The following PPARGC1A variants were observed in gnomAD, a reference collection of about 807,000 sequenced individuals.
The protein encoded by PPARGC1A is peroxisome proliferator-activated receptor gamma coactivator 1-alpha.
A neutral mutation model predicts 88.7 loss-of-function variants in PPARGC1A; 25 were observed. The ratio of observed to expected loss-of-function variants is 0.28; its 90% CI spans 0.21 to 0.39. The LOEUF (loss-of-function observed/expected upper bound fraction) is 0.39, where lower values mean the gene tolerates loss of function less well. Among genes scored for constraint, PPARGC1A ranks in the 10% least tolerant of loss-of-function variants. The pLI, the probability that PPARGC1A is intolerant of heterozygous loss-of-function variation, is 1.00. For synonymous variants in PPARGC1A, 363 were observed against 355.6 expected (o/e 1.02, Z -0.24); for missense variants, 880 against 968.7 (o/e 0.91, Z 1.22).
intron 10 of PPARGC1A, among the ~76,000 whole-genome samples, chr4:23,803,781 A>T (rs992072688): frequency 1.1e-4 from 17 of 152,234 alleles, no homozygotes; most frequent in African/African-American, 4.1e-4. Context: ...CAGAGAACTG[A>T]GGTACAGACT....
At chr4:24,032,361 C>G in the PPARGC1A span, among the ~76,000 whole-genome samples, 1 of 152,148 alleles carries the variant, frequency 6.6e-6, no homozygotes, top group Non-Finnish European at 1.5e-5. Context: ...CACAGGGGCT[C>G]CTGGTGGCTT....
At chr4:23,797,859 T>C (rs890884239) in intron 12 of PPARGC1A, among the ~76,000 whole-genome samples, 1 of 152,206 alleles carries the variant, frequency 6.6e-6, no homozygotes, top group African/African-American at 2.4e-5. Context: ...GTCAGGCCTC[T>C]GAGCCCAAGC....
chr4:24,123,369 T>C, the PPARGC1A span, among the ~76,000 whole-genome samples: 1 of 152,170 alleles, frequency 6.6e-6, no homozygotes, highest in African/African-American at 2.4e-5. Flanking sequence ...TCACAGCTAA[T>C]GCTCCCTCTC....
intron 2 of PPARGC1A, among the ~76,000 whole-genome samples, chr4:23,865,388 CCTCAT>C (rs993182045): frequency 6.6e-6 from 1 of 152,134 alleles, no homozygotes; most frequent in Non-Finnish European, 1.5e-5. Flanking sequence ...GTCCTAAGTT[CCTCAT>C]CTGTGGGAAG....
chr4:24,027,787 T>C, the PPARGC1A span, among the ~76,000 whole-genome samples: 5 of 152,172 alleles, frequency 3.3e-5, no homozygotes, highest in African/African-American at 1.2e-4. Context: ...TTAAGGTGCA[T>C]TGTTTTTGGT....
the PPARGC1A span, among the ~76,000 whole-genome samples, chr4:24,168,432 C>A: frequency 6.6e-6 from 1 of 152,154 alleles, no homozygotes; most frequent in Non-Finnish European, 1.5e-5. Context: ...CTCCTTGAGG[C>A]CTAAAAGTAA....
At chr4:23,941,588 T>C in the PPARGC1A span, among the ~76,000 whole-genome samples, 4 of 152,230 alleles carry the variant, frequency 2.6e-5, no homozygotes, top group Admixed American at 6.5e-5. Context: ...ATACACTCAT[T>C]TGGGAAAAGA....
the PPARGC1A span, among the ~76,000 whole-genome samples, chr4:24,177,775 C>T: frequency 1.5e-3 from 224 of 151,256 alleles, 1 homozygote; most frequent in African/African-American, 5.3e-3. Context: ...TGATAAGATA[C>T]AACTGCTCTG....
At chr4:24,046,722 T>A in the PPARGC1A span, among the ~76,000 whole-genome samples, 2 of 152,202 alleles carry the variant, frequency 1.3e-5, no homozygotes, top group African/African-American at 4.8e-5. Flanking sequence ...CAGTTAAGTA[T>A]GACCATGTGA....
At chr4:24,092,846 G>A in the PPARGC1A span, among the ~76,000 whole-genome samples, 83 of 152,160 alleles carry the variant, frequency 5.5e-4, 3 homozygotes, top group Non-Finnish European at 1.2e-4. Flanking sequence ...ATGGTTTCAG[G>A]TCACTTCTCC....
At chr4:24,340,990 G>A in the PPARGC1A span, among the ~76,000 whole-genome samples, 1 of 152,114 alleles carries the variant, frequency 6.6e-6, no homozygotes, top group East Asian at 1.9e-4. Flanking sequence ...CAAGGAAGCA[G>A]ATTTTCATTT....
chr4:23,861,176 T>G (rs2148712365), intron 2 of PPARGC1A, among the ~76,000 whole-genome samples: 1 of 152,320 alleles, frequency 6.6e-6, no homozygotes, highest in South Asian at 2.1e-4. Context: ...AAAACACTGT[T>G]TTGTAAACAT....
At chr4:23,960,778 C>T in the PPARGC1A span, among the ~76,000 whole-genome samples, 2 of 152,096 alleles carry the variant, frequency 1.3e-5, no homozygotes, top group African/African-American at 2.4e-5. Flanking sequence ...CCTGAGGCCT[C>T]GGGCTCCCCT....
chr4:24,056,212 C>T, the PPARGC1A span, among the ~76,000 whole-genome samples: 2 of 152,114 alleles, frequency 1.3e-5, no homozygotes, highest in Non-Finnish European at 2.9e-5. Context: ...ATGCCTTTGA[C>T]CTTGGATCTA....
chr4:23,917,472 C>T, the PPARGC1A span, among the ~76,000 whole-genome samples: 14 of 151,448 alleles, frequency 9.2e-5, no homozygotes, highest in Non-Finnish European at 1.6e-4. Context: ...TACAGGCGCC[C>T]GCCACCACGC....
At chr4:23,919,611 C>T in the PPARGC1A span, among the ~76,000 whole-genome samples, 1 of 151,318 alleles carries the variant, frequency 6.6e-6, no homozygotes, top group South Asian at 2.1e-4. Context: ...TTTGCTTACT[C>T]TCTCTTCTAA....
chr4:24,450,679 A>G, the PPARGC1A span, among the ~76,000 whole-genome samples: 1 of 152,218 alleles, frequency 6.6e-6, no homozygotes, highest in Non-Finnish European at 1.5e-5. Flanking sequence ...ATTCATCATT[A>G]CAAGTAATCT....
At chr4:24,311,497 G>A in the PPARGC1A span, among the ~76,000 whole-genome samples, 360 of 151,698 alleles carry the variant, frequency 2.4e-3, 2 homozygotes, top group African/African-American at 8.3e-3. Flanking sequence ...AAAATTAGCC[G>A]GGCGCAGTGG....
the PPARGC1A span, among the ~76,000 whole-genome samples, chr4:24,126,305 T>C: frequency 9.0e-6 from 1 of 110,572 alleles, no homozygotes; most frequent in South Asian, 3.3e-4. Context: ...ACACACACAG[T>C]CATTTTTTAC....
Sources: gnomAD v4.1 joint callset for allele counts (sites outside exome capture counted in the v4.1 genomes callset) on GRCh38, gnomAD v4.1.1 for gene constraint, MANE v1.5 for transcripts, NCBI Gene and HGNC (gene_info 2026-07-23, HGNC 2026-07-21) for gene names.